The following GTF3C1 variants were observed in gnomAD, a reference collection of about 807,000 sequenced individuals.
GTF3C1 encodes general transcription factor 3C polypeptide 1.
In GTF3C1, 57 loss-of-function variants were observed where a neutral mutation model predicts 226.7. That is an observed-to-expected ratio of 0.25 (90% CI 0.20 to 0.31). The LOEUF is 0.31. Ranked by LOEUF, GTF3C1 falls within the 10% of genes least tolerant of loss-of-function variation. The pLI is 1.00. For synonymous variants in GTF3C1, 1,090 were observed against 1,084.8 expected (o/e 1.00, Z -0.09); for missense variants, 2,217 against 2,776.1 (o/e 0.80, Z 4.53).
At chr16:27,488,872 C>T (rs916637179) in intron 21 of GTF3C1, among the ~76,000 whole-genome samples, 171 bp downstream of exon 21, 3 of 152,194 alleles carry the variant, frequency 2.0e-5, no homozygotes, top group Admixed American at 6.5e-5. Context: ...CACGTCACAG[C>T]GTAAGTTAGC....
chr16:27,524,975 A>G (rs1254304184), intron 6 of GTF3C1, among the ~76,000 whole-genome samples: 1 of 151,976 alleles, frequency 6.6e-6, no homozygotes, highest in Admixed American at 6.6e-5. Context: ...CCAACATGGT[A>G]AAACCCCATC....
intron 32 of GTF3C1, among the ~76,000 whole-genome samples, chr16:27,467,834 C>T (rs1422126428): frequency 6.6e-6 from 1 of 152,084 alleles, no homozygotes; most frequent in East Asian, 1.9e-4. Flanking sequence ...CATGCCGCCG[C>T]ACTCCAGTCC....
At chr16:27,490,035 G>A (rs915637355) in intron 19 of GTF3C1, among the ~76,000 whole-genome samples, 2 of 152,224 alleles carry the variant, frequency 1.3e-5, no homozygotes, top group African/African-American at 4.8e-5. Context: ...AGAGAGCCCG[G>A]CAGGCTCAGG....
intron 2 of GTF3C1, among the ~76,000 whole-genome samples, chr16:27,543,561 T>C (rs1233344382): frequency 6.6e-6 from 1 of 152,076 alleles, no homozygotes; most frequent in East Asian, 1.9e-4. Context: ...AGCTAGTTTT[T>C]TGTTTTTTTA....
chr16:27,497,332 C>T (rs1274314549), intron 14 of GTF3C1, among the ~76,000 whole-genome samples: 2 of 152,190 alleles, frequency 1.3e-5, no homozygotes, highest in Non-Finnish European at 2.9e-5. Flanking sequence ...GTAGAATGTT[C>T]CAGCTCAAGG....
Position 27,461,827 on chromosome 16 carries a change from C to A in GTF3C1, c.6118-265G>T, listed in dbSNP as rs1433182229. 3 of 501,714 alleles carry A rather than the reference C, an allele frequency of 6.0e-6. No individual in the cohort carries two copies. Among genetic ancestry groups the A allele is most frequent in the South Asian group, 2.9e-5 (1 of 34,876 alleles). The allele number at this position is 501,714 out of a possible 1,614,324, so 31.1% of individuals were successfully genotyped here. A position where few individuals can be genotyped will look rare whatever the true frequency, so the allele number is the denominator to read the frequency against. On this transcript the variant is annotated intron_variant, in intron 36 of 36. Transcript: ENST00000356183. The surrounding 1 kb of genome is among the most constrained non-coding windows in gnomAD (Gnocchi z 5.3). ...ATCTCATTTGTGGAGGAGAGGCCTGCAGCGCGGGATAAATCCCAGCTTCCT... is the reference window on the plus strand; with the variant it reads ...ATCTCATTTGTGGAGGAGAGGCCTGAAGCGCGGGATAAATCCCAGCTTCCT...
At chr16:27,482,584 C>T in intron 26 of GTF3C1, 1 of 456,236 alleles carries the variant, frequency 2.2e-6, no homozygotes, top group Non-Finnish European at 4.4e-6. Flanking sequence ...CTGCCACACA[C>T]ACTGTAGTGT....
At chr16:27,503,562 G>A (rs2088440644) in intron 10 of GTF3C1, among the ~76,000 whole-genome samples, 1 of 152,292 alleles carries the variant, frequency 6.6e-6, no homozygotes, top group Non-Finnish European at 1.5e-5. Context: ...GTAGAGCGGG[G>A]CTCTTGAGTT....
intron 12 of GTF3C1, among the ~76,000 whole-genome samples, chr16:27,500,145 C>T (rs1270892406): frequency 1.3e-5 from 2 of 152,166 alleles, no homozygotes; most frequent in African/African-American, 2.4e-5. Context: ...GGGTTCCTGT[C>T]TTCAGTGACT....
At chr16:27,480,731 C>G in intron 27 of GTF3C1, 1 of 250,240 alleles carries the variant, frequency 4.0e-6, no homozygotes, top group Non-Finnish European at 7.7e-6. Flanking sequence ...ACAGACCCTC[C>G]TATGTTCAAA....
rs762146728 is a variant in GTF3C1, at chr16:27,484,315, G to A, written c.3897C>T (p.Asp1299=). The A allele has an allele frequency of 2.0e-5, 32 of 1,609,894 alleles. No individual in the cohort carries two copies. The highest frequency in any genetic ancestry group is 2.6e-5 in the Non-Finnish European group (30 of 1,176,152). The change falls in exon 25 of 37, where the codon GAC becomes GAT. Residue 1299 remains aspartate (D), a synonymous_variant. Transcript: ENST00000356183. ...ACTCTTCAAACGTGGCATGCAAAATGTCCCGTACCACCTGCCAGGTGACAA... is the reference window on the plus strand; with the variant it reads ...ACTCTTCAAACGTGGCATGCAAAATATCCCGTACCACCTGCCAGGTGACAA... ...GPFVTWQVVR[D]ILHATFEESL... is the part of the protein sequence containing the mutation.
chr16:27,478,821 A>G (rs1243408151), intron 27 of GTF3C1, among the ~76,000 whole-genome samples: 1 of 151,964 alleles, frequency 6.6e-6, no homozygotes, highest in Non-Finnish European at 1.5e-5. Context: ...TAAGAGGAAC[A>G]GCACCTAAAA....
At position 27,492,278 on chromosome 16, in the gene GTF3C1, CA is replaced by C; in HGVS notation, c.3151+59del. On this transcript the variant is annotated intron_variant, in intron 19 of 36. Coordinates refer to ENST00000356183, the MANE Select transcript of GTF3C1 (RefSeq NM_001520.4). This position sits in a 1 kb window ranked among gnomAD's most constrained non-coding sequence, Gnocchi z 5.0. Reference sequence around the variant, plus strand: ...CCTAGGCTTTTCTAGCCCTAAATCCCAGTTAGCACACAGAAAGGAGCAAAAG... The same window carrying C: ...CCTAGGCTTTTCTAGCCCTAAATCCCGTTAGCACACAGAAAGGAGCAAAAG... 1 of 990,494 alleles carries C rather than the reference CA, an allele frequency of 1.0e-6. No individual in the cohort carries two copies. The highest frequency in any genetic ancestry group is 1.6e-6 in the Non-Finnish European group (1 of 644,376). 61.4% of individuals were successfully genotyped at this position (990,494 alleles called of 1,614,324 possible).
At position 27,469,305 on chromosome 16, in the gene GTF3C1, C is replaced by T. The variant is rs964917104; in HGVS notation, c.5060G>A (p.Arg1687Gln). 7.7e-6 allele frequency: 12 copies of T among 1,566,246 alleles called. No homozygotes were observed. In the African/African-American group the frequency reaches 8.1e-5, roughly 11 times the overall value. Residue 1687 changes from arginine to glutamine, a missense_variant, in exon 32 of 37, where the codon CGG becomes CAG. Physicochemically the swap from Arg to Gln is conservative, Grantham distance 43. Around this residue, in one of 12 missense-constraint regions of GTF3C1, gnomAD observed 455 missense variants for 441.9 expected, o/e 1.03. Transcript: ENST00000356183. The surrounding 1 kb of genome is among the most constrained non-coding windows in gnomAD (Gnocchi z 4.5). ...GGAGCACTCACCAGCGGGCCTGAGCCGGGCGGGCACAGGGGTGCAGCGGAG... is the reference window on the plus strand; with the variant it reads ...GGAGCACTCACCAGCGGGCCTGAGCTGGGCGGGCACAGGGGTGCAGCGGAG... ...FQLRCTPVPA[R>Q]LRPAAAPLEE...
At chr16:27,490,574 G>A (rs1028334912) in intron 19 of GTF3C1, among the ~76,000 whole-genome samples, 3 of 152,200 alleles carry the variant, frequency 2.0e-5, no homozygotes, top group African/African-American at 7.2e-5. Flanking sequence ...GAGATTCAGG[G>A]AGGTTACAAG....
intron 19 of GTF3C1, among the ~76,000 whole-genome samples, chr16:27,490,404 G>A (rs1280750440): frequency 3.3e-5 from 5 of 152,220 alleles, no homozygotes; most frequent in African/African-American, 4.8e-5. Context: ...CTCCTAGCAT[G>A]CTTGGAGACC....
At chr16:27,533,883 G>A (rs1255727722) in intron 4 of GTF3C1, among the ~76,000 whole-genome samples, 1 of 152,186 alleles carries the variant, frequency 6.6e-6, no homozygotes, top group East Asian at 1.9e-4. Flanking sequence ...GCGGGCGCCT[G>A]TAATCCCAGC....
At position 27,463,288 on chromosome 16, in the gene GTF3C1, TCTC is replaced by T; in HGVS notation, c.5924+250_5924+252del. On this transcript the variant is annotated intron_variant, in intron 35 of 36. Coordinates refer to ENST00000356183, the MANE Select transcript of GTF3C1 (RefSeq NM_001520.4). This position sits in a 1 kb window ranked among gnomAD's most constrained non-coding sequence, Gnocchi z 4.9. ...CACAGCTGACAGCACCAGGCATGGTTCTCCACCAGCGCCCTGGGCATTCTGGAA... is the reference window on the plus strand; with the variant it reads ...CACAGCTGACAGCACCAGGCATGGTTCACCAGCGCCCTGGGCATTCTGGAA... The T allele has an allele frequency of 1.9e-6, 1 of 529,844 alleles. No individual in the cohort carries two copies. 32.8% of individuals were successfully genotyped at this position (529,844 alleles called of 1,614,324 possible).
chr16:27,511,799 G>A lies in GTF3C1; in HGVS notation c.1076C>T (p.Pro359Leu). The A allele has an allele frequency of 6.2e-7, 1 of 1,614,198 alleles. No homozygotes were observed. Among genetic ancestry groups the A allele is most frequent in the South Asian group, 1.1e-5 (1 of 91,084 alleles). ...DEEVISKTVP[P>L]VDIVFERDML... ...ATCCCGCTCGAACACAATGTCCACT[G>A]GAGGCACTGTCTTGGAGATGACCTC... The change falls in exon 7 of 37, where the codon CCA becomes CTA. Residue 359 changes from proline (P) to leucine (L), a missense_variant. Physicochemically the swap from Pro to Leu is moderately conservative, Grantham distance 98. This residue lies in a region of GTF3C1 where 163 missense variants were observed against 234.3 expected (regional missense o/e 0.70). Transcript: ENST00000356183.
Sources: gnomAD v4.1 joint callset for allele counts (sites outside exome capture counted in the v4.1 genomes callset) on GRCh38, gnomAD v4.1.1 for gene constraint, gnomAD v4.1.1 regional missense constraint, Gnocchi (gnomAD v3.1) non-coding constraint, MANE v1.5 for transcripts, NCBI Gene and HGNC (gene_info 2026-07-23, HGNC 2026-07-21) for gene names.